The following RFTN1 variants were observed in gnomAD, a reference collection of about 807,000 sequenced individuals.
RFTN1 encodes raftlin.
A neutral mutation model predicts 46.5 loss-of-function variants in RFTN1; 26 were observed. The ratio of observed to expected loss-of-function variants is 0.56; its 90% confidence interval spans 0.41 to 0.78. The LOEUF (loss-of-function observed/expected upper bound fraction) is 0.78, where lower values mean the gene tolerates loss of function less well. Among genes scored for constraint, RFTN1 ranks in the 30% least tolerant of loss-of-function variants. The pLI is 0.00. For missense variants in RFTN1, 693 were observed against 718.7 expected (o/e 0.96, Z 0.41); for synonymous variants, 261 against 284.2 (o/e 0.92, Z 0.82).
rs2075733443 is a variant in RFTN1 at position 16,446,588 on chromosome 3, A to C, written c.146-12551T>G. On this transcript the variant is annotated intron_variant, in intron 2 of 9. Coordinates refer to ENST00000334133, the MANE Select transcript of RFTN1 (RefSeq NM_015150.2). The surrounding 1 kb of genome is among the most constrained non-coding windows in gnomAD (Gnocchi z 4.5). ...CAAAAACATGCCACTGGGAAAATCAAAGGTTGATATGACAACAAAAGCAAA... is the reference window on the plus strand; with the variant it reads ...CAAAAACATGCCACTGGGAAAATCACAGGTTGATATGACAACAAAAGCAAA... Among the ~76,000 whole-genome samples, 1 of 152,180 alleles carries C rather than the reference A, an allele frequency of 6.6e-6. No homozygotes were observed. Among genetic ancestry groups the C allele is most frequent in the Non-Finnish European group, 1.5e-5 (1 of 68,034 alleles).
rs373648009 is a variant in RFTN1 at position 16,424,768 on chromosome 3, A to G, written c.332+9083T>C. 9.2e-5 allele frequency among the ~76,000 whole-genome samples: 14 copies of G among 152,332 alleles called. No homozygotes were observed. The South Asian group carries it at 2.9e-3, about 32-fold the overall frequency. On this transcript the variant is annotated intron_variant, in intron 3 of 9. Coordinates refer to ENST00000334133, the MANE Select transcript of RFTN1 (RefSeq NM_015150.2). This position sits in a 1 kb window ranked among gnomAD's most constrained non-coding sequence, Gnocchi z 4.7. ...TGGACAGATTTTAGAGACAATCATTATATAAAAATCTCATGAACATTTAAA... is the reference window on the plus strand; with the variant it reads ...TGGACAGATTTTAGAGACAATCATTGTATAAAAATCTCATGAACATTTAAA...
chr3:16,478,965 G>A (rs1344288493), intron 2 of RFTN1, among the ~76,000 whole-genome samples: 1 of 152,172 alleles, frequency 6.6e-6, no homozygotes, highest in Non-Finnish European at 1.5e-5. Context: ...CATCACTTTT[G>A]CTGTATCCTG....
chr3:16,329,353 GGGAA>G lies in RFTN1; in HGVS notation c.1147-2481_1147-2478del, dbSNP rs2070063125. Reference sequence around the variant, plus strand: ...CAGGGCGGAAGTGGAGAAAGGGAAAGGGAAAGAGGAAACTTAATAAAGGAAGGCG... The same window carrying G: ...CAGGGCGGAAGTGGAGAAAGGGAAAGAGAGGAAACTTAATAAAGGAAGGCG... On this transcript the variant is annotated intron_variant, in intron 7 of 9. Coordinates refer to ENST00000334133, the MANE Select transcript of RFTN1 (RefSeq NM_015150.2). The surrounding 1 kb of genome is among the most constrained non-coding windows in gnomAD (Gnocchi z 4.5). 6.6e-6 allele frequency among the ~76,000 whole-genome samples: 1 copy of G among 151,338 alleles called. No homozygotes were observed. The highest frequency in any genetic ancestry group is 2.4e-5 in the African/African-American group (1 of 41,130).
At position 16,425,680 on chromosome 3, in the gene RFTN1, C is replaced by T. The variant is rs1472737887; in HGVS notation, c.332+8171G>A. ...GAGTGTGGATTGGAAAAAATTCTTTCCCCCAAGAGAAGGTGGCTTTACGCT... is the reference window on the plus strand; with the variant it reads ...GAGTGTGGATTGGAAAAAATTCTTTTCCCCAAGAGAAGGTGGCTTTACGCT... On this transcript the variant is annotated intron_variant, in intron 3 of 9. Transcript: ENST00000334133. The surrounding 1 kb of genome is among the most constrained non-coding windows in gnomAD (Gnocchi z 4.3). Among the ~76,000 whole-genome samples, 1 of 151,916 alleles carries T rather than the reference C, an allele frequency of 6.6e-6. No individual in the cohort carries two copies. The highest frequency in any genetic ancestry group is 2.4e-5 in the African/African-American group (1 of 41,352).
At position 16,500,510 on chromosome 3, in the gene RFTN1, C is replaced by A. The variant is rs908197790; in HGVS notation, c.-8-6633G>T. On this transcript the variant is annotated intron_variant, in intron 1 of 9. Coordinates refer to ENST00000334133, the MANE Select transcript of RFTN1 (RefSeq NM_015150.2). The surrounding 1 kb of genome is among the most constrained non-coding windows in gnomAD (Gnocchi z 5.9). ...TCAAAGCATATATGCAGTTCCCTAG[C>A]AGAAATTGGTAAGGGTAATTAGGAA... 6.6e-6 allele frequency among the ~76,000 whole-genome samples: 1 copy of A among 152,056 alleles called. No homozygotes were observed. Among genetic ancestry groups the A allele is most frequent in the African/African-American group, 2.4e-5 (1 of 41,356 alleles).
chr3:16,435,722 T>A (rs1324173244), intron 2 of RFTN1, among the ~76,000 whole-genome samples: 1 of 152,142 alleles, frequency 6.6e-6, no homozygotes, highest in Non-Finnish European at 1.5e-5. Context: ...AATCTTTTAG[T>A]GAAAAATCTC....
At chr3:16,343,705 TTCAA>T (rs1319071389) in intron 7 of RFTN1, among the ~76,000 whole-genome samples, 13 of 152,364 alleles carry the variant, frequency 8.5e-5, no homozygotes, top group Admixed American at 8.5e-4. Flanking sequence ...CAATTATTTA[TTCAA>T]TCAATGTTTG....
intron 6 of RFTN1, among the ~76,000 whole-genome samples, chr3:16,368,730 G>T (rs1482894381): frequency 6.6e-6 from 1 of 151,312 alleles, no homozygotes; most frequent in Non-Finnish European, 1.5e-5. Flanking sequence ...AGTACACACT[G>T]ACCAGTGACA....
rs1037525901 is a variant in RFTN1, at chr3:16,480,027, T to C, written c.145+13698A>G. 2.0e-5 allele frequency among the ~76,000 whole-genome samples: 3 copies of C among 152,220 alleles called. No homozygotes were observed. Among genetic ancestry groups the C allele is most frequent in the Non-Finnish European group, 2.9e-5 (2 of 68,030 alleles). On this transcript the variant is annotated intron_variant, in intron 2 of 9. Coordinates refer to ENST00000334133, the MANE Select transcript of RFTN1 (RefSeq NM_015150.2). This position sits in a 1 kb window ranked among gnomAD's most constrained non-coding sequence, Gnocchi z 4.3. Reference sequence around the variant, plus strand: ...ATTTGGTGGGATGTTTCAGACGCTGTTTCCTACATTGAGAGACCTTACTAT... The same window carrying C: ...ATTTGGTGGGATGTTTCAGACGCTGCTTCCTACATTGAGAGACCTTACTAT...
intron 6 of RFTN1, among the ~76,000 whole-genome samples, chr3:16,366,006 G>A (rs1475073645): frequency 4.6e-5 from 7 of 151,898 alleles, no homozygotes; most frequent in Non-Finnish European, 7.4e-5. Flanking sequence ...AGAGGTGGAG[G>A]ACTGCCAGGG....
rs151060101 is a variant in RFTN1 at position 16,436,882 on chromosome 3, T to C, written c.146-2845A>G. Among the ~76,000 whole-genome samples, 615 of 152,384 alleles carry C rather than the reference T, an allele frequency of 4.0e-3. 8 individuals carry two copies. Among genetic ancestry groups the C allele is most frequent in the African/African-American group, 0.014 (566 of 41,598 alleles). On this transcript the variant is annotated intron_variant, in intron 2 of 9. Coordinates refer to ENST00000334133, the MANE Select transcript of RFTN1 (RefSeq NM_015150.2). ...ATCTTCCTATATTCCTGTTTATATTTTGAATTTTCCTAATTCGTTTTTCTA... is the reference window on the plus strand; with the variant it reads ...ATCTTCCTATATTCCTGTTTATATTCTGAATTTTCCTAATTCGTTTTTCTA...
rs1046266163 is a variant in RFTN1 at position 16,457,034 on chromosome 3, A to G, written c.146-22997T>C. ...TTTTTAAATGACAGATGCCATTGCT[A>G]TAAGAACTTTAATAAGTATATGTGA... On this transcript the variant is annotated intron_variant, in intron 2 of 9. Coordinates refer to ENST00000334133, the MANE Select transcript of RFTN1 (RefSeq NM_015150.2). This position sits in a 1 kb window ranked among gnomAD's most constrained non-coding sequence, Gnocchi z 4.2. Among the ~76,000 whole-genome samples the G allele has an allele frequency of 6.6e-6, 1 of 152,250 alleles. No individual in the cohort carries two copies. Among genetic ancestry groups the G allele is most frequent in the African/African-American group, 2.4e-5 (1 of 41,474 alleles).
At position 16,433,798 on chromosome 3, in the gene RFTN1, G is replaced by T; in HGVS notation, c.332+53C>A. On this transcript the variant is annotated intron_variant, in intron 3 of 9. Coordinates refer to ENST00000334133, the MANE Select transcript of RFTN1 (RefSeq NM_015150.2). The surrounding 1 kb of genome is among the most constrained non-coding windows in gnomAD (Gnocchi z 4.4). ...ATCCTCTCACTTCCCCTCCTCTATT[G>T]AGCATAACTTAGCCGCAACAGGATG... 6.4e-7 allele frequency: 1 copy of T among 1,573,106 alleles called. No individual in the cohort carries two copies. The highest frequency in any genetic ancestry group is 1.1e-5 in the South Asian group (1 of 90,106).
chr3:16,511,058 T>G (rs929054020), intron 1 of RFTN1, among the ~76,000 whole-genome samples: 3 of 152,140 alleles, frequency 2.0e-5, no homozygotes, highest in African/African-American at 7.2e-5. Flanking sequence ...TTACATGAAG[T>G]TCAAGAACAA....
At chr3:16,324,439 G>T (rs952391849) in intron 8 of RFTN1, among the ~76,000 whole-genome samples, 1 of 152,038 alleles carries the variant, frequency 6.6e-6, no homozygotes, top group Admixed American at 6.6e-5. Context: ...TTGCCCATCC[G>T]CCCCACTCCC....
In RFTN1 at chr3:16,418,423, G is replaced by T. The variant is rs1480475133; in HGVS notation, c.333-8940C>A. On this transcript the variant is annotated intron_variant, in intron 3 of 9. Transcript: ENST00000334133. This position sits in a 1 kb window ranked among gnomAD's most constrained non-coding sequence, Gnocchi z 5.0. Reference sequence around the variant, plus strand: ...TTAAACGATGTCTTCTTTTTCCCAGGACAACAGGCAGTTATGAAAAGGAGA... The same window carrying T: ...TTAAACGATGTCTTCTTTTTCCCAGTACAACAGGCAGTTATGAAAAGGAGA... Among the ~76,000 whole-genome samples, 1 of 151,880 alleles carries T rather than the reference G, an allele frequency of 6.6e-6. No individual in the cohort carries two copies. Among genetic ancestry groups the T allele is most frequent in the East Asian group, 1.9e-4 (1 of 5,192 alleles).
Position 16,422,526 on chromosome 3 carries a change from G to A in RFTN1, c.332+11325C>T, listed in dbSNP as rs2075205297. Among the ~76,000 whole-genome samples the A allele has an allele frequency of 6.6e-6, 1 of 152,062 alleles. No homozygotes were observed. On this transcript the variant is annotated intron_variant, in intron 3 of 9. Transcript: ENST00000334133. The surrounding 1 kb of genome is among the most constrained non-coding windows in gnomAD (Gnocchi z 4.6). ...CGTGCCTGTAATCCCAGCTACTCAG[G>A]AGGCTGAGGCAGGAGAATCACTTGA...
rs2076498790 is a variant in RFTN1 at position 16,489,091 on chromosome 3, T to C, written c.145+4634A>G. The stretch of plus-strand genomic sequence containing the variant: ...GTTTTGAAAAAGAGTACGTACTATT[T>C]GATTCCATTTATATAACATCCTGGG... On this transcript the variant is annotated intron_variant, in intron 2 of 9. Coordinates refer to ENST00000334133, the MANE Select transcript of RFTN1 (RefSeq NM_015150.2). This position sits in a 1 kb window ranked among gnomAD's most constrained non-coding sequence, Gnocchi z 4.0. Among the ~76,000 whole-genome samples the C allele has an allele frequency of 6.6e-6, 1 of 152,160 alleles. No homozygotes were observed. The highest frequency in any genetic ancestry group is 6.5e-5 in the Admixed American group (1 of 15,272).
rs539082056 is a variant in RFTN1 at position 16,489,719 on chromosome 3, C to T, written c.145+4006G>A. On this transcript the variant is annotated intron_variant, in intron 2 of 9. Coordinates refer to ENST00000334133, the MANE Select transcript of RFTN1 (RefSeq NM_015150.2). This position sits in a 1 kb window ranked among gnomAD's most constrained non-coding sequence, Gnocchi z 4.0. ...GGTCAGGAGTTCAAGACCAGCCTGG[C>T]CAACATTGTGAAACCCCATCTCTAC... 6.3e-3 allele frequency among the ~76,000 whole-genome samples: 960 copies of T among 152,134 alleles called. 5 individuals are homozygous for T. Among genetic ancestry groups the T allele is most frequent in the Non-Finnish European group, 9.6e-3 (653 of 67,990 alleles).
Sources: allele counts gnomAD v4.1 joint callset (sites outside exome capture counted in the v4.1 genomes callset), GRCh38; gene constraint gnomAD v4.1.1; non-coding constraint Gnocchi (gnomAD v3.1); transcripts MANE v1.5; gene names NCBI Gene and HGNC (gene_info 2026-07-23, HGNC 2026-07-21).